The following THSD4 variants were observed in gnomAD, a reference collection of about 807,000 sequenced individuals.
THSD4 encodes thrombospondin type 1 domain containing 4, also known as thrombospondin type-1 domain-containing protein 4.
Under a neutral mutation model 119.0 loss-of-function variants are expected in THSD4, and 69 were observed. That is an observed-to-expected ratio of 0.58 (90% CI 0.48 to 0.71). THSD4 has a LOEUF of 0.71. THSD4 is among the 30% of genes least tolerant of loss of function. The probability of loss-of-function intolerance (pLI) is 0.00; values close to 1 mark genes in which losing one functional copy is unlikely to be tolerated. For synonymous variants in THSD4, 524 were observed against 540.4 expected (o/e 0.97, Z 0.42); for missense variants, 1,393 against 1,391.1 (o/e 1.00, Z -0.02).
At chr15:71,165,041 G>T (rs373804712) in intron 3 of THSD4, 37 of 1,589,116 alleles carry the variant, frequency 2.3e-5, no homozygotes, top group Non-Finnish European at 3.1e-5. Flanking sequence ...CAGTTTCTTC[G>T]CAACATCACC....
intron 8 of THSD4, among the ~76,000 whole-genome samples, chr15:71,688,707 C>CTGTGTGTGTGTGTGTGTG (rs55653630): frequency 7.5e-6 from 1 of 133,436 alleles, no homozygotes; most frequent in African/African-American, 2.9e-5. Flanking sequence ...TTTTGTATCT[C>CTGTGTGTGTGTGTGTGTG]TGTGTGTGTG....
intron 1 of THSD4, among the ~76,000 whole-genome samples, chr15:71,124,065 A>G (rs2141355514): frequency 6.6e-6 from 1 of 152,152 alleles, no homozygotes; most frequent in East Asian, 1.9e-4. Flanking sequence ...CATCACCATC[A>G]TCATCATCTC....
At chr15:71,398,355 G>A (rs2046479443) in intron 6 of THSD4, among the ~76,000 whole-genome samples, 1 of 152,080 alleles carries the variant, frequency 6.6e-6, no homozygotes, top group Non-Finnish European at 1.5e-5. Context: ...GTTCTTGAAG[G>A]GAGGGTGACC....
At position 71,714,363 on chromosome 15, in the gene THSD4, T is replaced by C. The variant is rs539961124; in HGVS notation, c.1358-14186T>C. Among the ~76,000 whole-genome samples, 81 of 152,336 alleles carry C rather than the reference T, an allele frequency of 5.3e-4. 1 individual carries two copies. Among genetic ancestry groups the C allele is most frequent in the African/African-American group, 1.9e-3 (77 of 41,566 alleles). On this transcript the variant is annotated intron_variant, in intron 8 of 17. Coordinates refer to ENST00000261862, the MANE Select transcript of THSD4 (RefSeq NM_024817.3). ...ATAGTAGGTGCTAAACTACTCTTTG[T>C]TGAATGGCGGAAAATGCCTGGCAGG...
At chr15:71,153,484 A>G (rs2040746445) in intron 2 of THSD4, among the ~76,000 whole-genome samples, 1 of 152,202 alleles carries the variant, frequency 6.6e-6, no homozygotes, top group Admixed American at 6.5e-5. Context: ...ACCATATTAC[A>G]GAGACCATCT....
chr15:71,726,302 C>T (rs939106873), intron 8 of THSD4, among the ~76,000 whole-genome samples: 1 of 152,192 alleles, frequency 6.6e-6, no homozygotes, highest in Non-Finnish European at 1.5e-5. Flanking sequence ...CACTCCAGCC[C>T]CTCTGTGCAG....
chr15:71,111,533 A>C, upstream of THSD4: 111 of 785,228 alleles, frequency 1.4e-4, no homozygotes, highest in Middle Eastern at 3.7e-4. Context: ...ACCAACTCTC[A>C]AAGTGTTTTG....
In THSD4 at chr15:71,236,227, G is replaced by C. The variant is rs558250049; in HGVS notation, c.465-6422G>C. 3.1e-4 allele frequency among the ~76,000 whole-genome samples: 47 copies of C among 152,336 alleles called. 1 individual carries two copies. Among genetic ancestry groups the C allele is most frequent in the African/African-American group, 1.1e-3 (47 of 41,578 alleles). On this transcript the variant is annotated intron_variant, in intron 4 of 17. Transcript: ENST00000261862. ...ACACAAAACAGCCTGGCTCCGGAGG[G>C]CGGGGCTCTCACTCTGCCCACTCCC...
chr15:71,329,576 A>T (rs539653060), intron 6 of THSD4, among the ~76,000 whole-genome samples: 1 of 152,312 alleles, frequency 6.6e-6, no homozygotes, highest in East Asian at 1.9e-4. Flanking sequence ...GACGGAGTCG[A>T]TGTTGTCCCC....
rs149366537 is a variant in THSD4 at position 71,116,798 on chromosome 15, G to A, written c.-80+1100G>A. ...GGATCACACAGCTTTTAAAATCCGC[G>A]TGTCTTCTACTTGATTAATATTGTT... is the stretch of plus-strand genomic sequence containing the variant. On this transcript the variant is annotated intron_variant, in intron 1 of 17. Coordinates refer to ENST00000261862, the MANE Select transcript of THSD4 (RefSeq NM_024817.3). 1.1e-4 allele frequency among the ~76,000 whole-genome samples: 17 copies of A among 152,096 alleles called. 1 individual carries two copies. Among genetic ancestry groups the A allele is most frequent in the African/African-American group, 3.6e-4 (15 of 41,498 alleles).
intron 6 of THSD4, among the ~76,000 whole-genome samples, chr15:71,308,033 A>T (rs1368773563): frequency 6.6e-6 from 1 of 152,130 alleles, no homozygotes; most frequent in African/African-American, 2.4e-5. Context: ...CCAGTCATAG[A>T]AGCATGCAGC....
Position 71,608,237 on chromosome 15 carries a change from A to AATATATAT in THSD4, c.1153-52287_1153-52280dup, listed in dbSNP as rs1555431559. ...AACTCTGTCTCAAAAAAAAAAAAAA[A>AATATATAT]ATATATATATATACACACACACACA... On this transcript the variant is annotated intron_variant, in intron 7 of 17. Transcript: ENST00000261862. Among the ~76,000 whole-genome samples, 120 of 111,584 alleles carry AATATATAT rather than the reference A, an allele frequency of 1.1e-3. 3 individuals carry two copies. In the East Asian group the frequency reaches 0.029, roughly 27 times the overall value. The allele number at this position is 111,584 out of a possible 152,430, so 73.2% of individuals were successfully genotyped here. A position where few individuals can be genotyped will look rare whatever the true frequency, so the allele number is the denominator to read the frequency against.
At chr15:71,703,266 C>T (rs929835673) in intron 8 of THSD4, among the ~76,000 whole-genome samples, 1 of 152,230 alleles carries the variant, frequency 6.6e-6, no homozygotes, top group Admixed American at 6.5e-5. Flanking sequence ...TGAGCCACCA[C>T]ACTCGGCCAG....
intron 8 of THSD4, among the ~76,000 whole-genome samples, chr15:71,681,062 C>G (rs2051765973): frequency 6.6e-6 from 1 of 151,876 alleles, no homozygotes; most frequent in Non-Finnish European, 1.5e-5. Flanking sequence ...GGATTACAGG[C>G]ATGTGCCACC....
chr15:71,434,434 CTTTTTTTTTTTTTT>C (rs34097873), intron 7 of THSD4, among the ~76,000 whole-genome samples: 1 of 82,586 alleles, frequency 1.2e-5, no homozygotes, highest in African/African-American at 4.8e-5. Flanking sequence ...TCAGTGGTCC[CTTTTTTTTTTTTTT>C]TTTTTTTTTT....
intron 6 of THSD4, among the ~76,000 whole-genome samples, chr15:71,403,203 T>C (rs1481223103): frequency 1.3e-5 from 2 of 152,148 alleles, no homozygotes; most frequent in African/African-American, 4.8e-5. Context: ...CGTTCTACTT[T>C]CTTGTTTTAC....
At chr15:71,329,800 G>T (rs1006401507) in intron 6 of THSD4, among the ~76,000 whole-genome samples, 8 of 152,200 alleles carry the variant, frequency 5.3e-5, no homozygotes, top group Non-Finnish European at 1.0e-4. Context: ...ATTGCTATGG[G>T]CTGGGCGTGG....
In THSD4 at chr15:71,763,298, G is replaced by A. The variant is rs1168314534; in HGVS notation, c.2590-1722G>A. Among the ~76,000 whole-genome samples the A allele has an allele frequency of 2.0e-5, 3 of 152,170 alleles. 1 individual carries two copies. Among genetic ancestry groups the A allele is most frequent in the African/African-American group, 2.4e-5 (1 of 41,500 alleles). Reference sequence around the variant, plus strand: ...TTGATTGTGTGGCTGCCTATGGACAGCAAAGCTAATATTTAGAGTTTGAAC... The same window carrying A: ...TTGATTGTGTGGCTGCCTATGGACAACAAAGCTAATATTTAGAGTTTGAAC... On this transcript the variant is annotated intron_variant, in intron 15 of 17. Coordinates refer to ENST00000261862, the MANE Select transcript of THSD4 (RefSeq NM_024817.3).
intron 7 of THSD4, among the ~76,000 whole-genome samples, chr15:71,615,781 A>T (rs1327646118): frequency 6.6e-6 from 1 of 152,220 alleles, no homozygotes; most frequent in Non-Finnish European, 1.5e-5. Context: ...AGGTGAGAAG[A>T]TGAAGGACCC....
Sources: gnomAD v4.1 joint callset for allele counts (sites outside exome capture counted in the v4.1 genomes callset) on GRCh38, gnomAD v4.1.1 for gene constraint, MANE v1.5 for transcripts, NCBI Gene and HGNC (gene_info 2026-07-23, HGNC 2026-07-21) for gene names.